Variants in MTMR2 observed in about 807,000 individuals in gnomAD.
The protein encoded by MTMR2 is myotubularin related protein 2, also known as phosphatidylinositol-3,5-bisphosphate 3-phosphatase MTMR2.
MTMR2 carries 55 observed loss-of-function variants against 86.9 expected under a neutral mutation model. That is an observed-to-expected ratio of 0.63 (90% CI 0.51 to 0.79). MTMR2 has a LOEUF of 0.79. MTMR2 is among the 30% of genes least tolerant of loss of function. The probability of loss-of-function intolerance (pLI) is 0.00; values close to 1 mark genes in which losing one functional copy is unlikely to be tolerated. For missense variants in MTMR2, 659 were observed against 772.3 expected (o/e 0.85, Z 1.74); for synonymous variants, 241 against 266.8 (o/e 0.90, Z 0.94).
chr11:95,902,340 C>T (rs1055230264), intron 1 of MTMR2, among the ~76,000 whole-genome samples: 3 of 152,142 alleles, frequency 2.0e-5, no homozygotes, highest in Non-Finnish European at 4.4e-5. Flanking sequence ...ACTGTCTGTC[C>T]TTCCATCTCT....
intron 1 of MTMR2, among the ~76,000 whole-genome samples, chr11:95,915,437 C>T (rs1866662012): frequency 6.6e-6 from 1 of 152,134 alleles, no homozygotes; most frequent in Non-Finnish European, 1.5e-5. Context: ...GACTTATATA[C>T]ATATGCTCTT....
chr11:95,906,948 C>T (rs1431842143), intron 1 of MTMR2, among the ~76,000 whole-genome samples: 1 of 152,110 alleles, frequency 6.6e-6, no homozygotes, highest in Admixed American at 6.5e-5. Flanking sequence ...CCCAACATCA[C>T]ACCCAGGGGA....
chr11:95,878,898 A>G, intron 2 of MTMR2, among the ~76,000 whole-genome samples: 1 of 152,152 alleles, frequency 6.6e-6, no homozygotes, highest in East Asian at 1.9e-4. Context: ...GAATGAGCCC[A>G]GTTTATGTAC....
chr11:95,877,151 A>G (rs572440772), intron 2 of MTMR2, among the ~76,000 whole-genome samples: 67 of 152,210 alleles, frequency 4.4e-4, no homozygotes, highest in African/African-American at 1.6e-3. Flanking sequence ...TCTAAAGAAA[A>G]CTGTTTATAT....
At chr11:95,865,073 T>C (rs940867346) in intron 3 of MTMR2, among the ~76,000 whole-genome samples, 1 of 152,080 alleles carries the variant, frequency 6.6e-6, no homozygotes, top group African/African-American at 2.4e-5. Flanking sequence ...ATTATAAGTA[T>C]TAGGCTGGGC....
chr11:95,882,722 GTTGT>G (rs1218703239), intron 2 of MTMR2, among the ~76,000 whole-genome samples: 4 of 145,562 alleles, frequency 2.7e-5, no homozygotes, highest in African/African-American at 1.0e-4. Context: ...ATTATTTTGT[GTTGT>G]TTTTTTTTTT....
At position 95,894,874 on chromosome 11, in the gene MTMR2, G is replaced by A. The variant is rs989444735; in HGVS notation, c.81-6613C>T. 2.0e-5 allele frequency among the ~76,000 whole-genome samples: 3 copies of A among 152,118 alleles called. No homozygotes were observed. The East Asian group carries it at 5.8e-4, about 29-fold the overall frequency. On this transcript the variant is annotated intron_variant, in intron 1 of 14. Coordinates refer to ENST00000346299, the MANE Select transcript of MTMR2 (RefSeq NM_016156.6). ...TAATAACTTTTCTCTGAGAAAATAT[G>A]AGTAAAAATCGAATGCTCCTTTTGC...
At chr11:95,846,474 C>T (rs1863797199) in intron 10 of MTMR2, among the ~76,000 whole-genome samples, 3 of 152,106 alleles carry the variant, frequency 2.0e-5, no homozygotes, top group Non-Finnish European at 4.4e-5. Flanking sequence ...ATAGGGAATG[C>T]TGGTAGAACT....
intron 1 of MTMR2, chr11:95,907,853 G>A (rs1157957888): frequency 2.3e-6 from 1 of 439,584 alleles, no homozygotes; most frequent in East Asian, 7.2e-5. Context: ...AGGCATTGAA[G>A]GAACATACCT....
chr11:95,870,635 A>T (rs1053287771), intron 2 of MTMR2, among the ~76,000 whole-genome samples: 1 of 152,024 alleles, frequency 6.6e-6, no homozygotes, highest in Non-Finnish European at 1.5e-5. Context: ...GAGAGAAAGC[A>T]GATTCAATGA....
rs1863552342 is a variant in MTMR2 at position 95,841,645 on chromosome 11, A to G, written c.1451T>C (p.Ile484Thr). Reference sequence around the variant, plus strand: ...TCTTGTCATCTGCCAGACACAGTCAATAAATTGAAGAAAAACAGGCGATCT... The same window carrying G: ...TCTTGTCATCTGCCAGACACAGTCAGTAAATTGAAGAAAAACAGGCGATCT... ...ADRSPVFLQF[I>T]DCVWQMTRQF... Residue 484 changes from isoleucine (I) to threonine (T), a missense_variant, in exon 12 of 15, where the codon ATT becomes ACT. Physicochemically the swap from Ile to Thr is moderately conservative, Grantham distance 89. Coordinates refer to ENST00000346299, the MANE Select transcript of MTMR2 (RefSeq NM_016156.6). 2 of 1,613,498 alleles carry G rather than the reference A, an allele frequency of 1.2e-6. No individual in the cohort carries two copies. Among genetic ancestry groups the G allele is most frequent in the Non-Finnish European group, 1.7e-6 (2 of 1,179,554 alleles).
chr11:95,857,610 T>A lies in MTMR2; in HGVS notation c.596A>T (p.Glu199Val). 6.2e-7 allele frequency: 1 copy of A among 1,611,962 alleles called. No homozygotes were observed. The highest frequency in any genetic ancestry group is 8.5e-7 in the Non-Finnish European group (1 of 1,178,370). The change falls in exon 7 of 15, where the codon GAA (glutamate) becomes GTA (valine). Residue 199 changes from glutamate (E) to valine (V), a missense_variant. Physicochemically the swap from Glu to Val is moderately radical, Grantham distance 121 (BLOSUM62 -2). Around this residue, in one of 3 missense-constraint regions of MTMR2, gnomAD observed 387 missense variants for 526.3 expected, o/e 0.74. Coordinates refer to ENST00000346299, the MANE Select transcript of MTMR2 (RefSeq NM_016156.6). ...CTTCCACCCATTTTCAGGGAATACT[T>A]CTTTGTATTCAAAAGCAAAAAGAGG... is the stretch of plus-strand genomic sequence containing the variant. Reference protein sequence around the residue: ...NLPLFAFEYKEVFPENGWKLY... With the variant: ...NLPLFAFEYKVVFPENGWKLY...
At chr11:95,862,203 T>C (rs1335016546) in intron 4 of MTMR2, 69 bp downstream of exon 4, 21 of 1,543,884 alleles carry the variant, frequency 1.4e-5, no homozygotes, top group Non-Finnish European at 1.8e-5. Context: ...TTAGAAATGA[T>C]CAGAAATGAA....
At chr11:95,911,220 G>A (rs955238317) in intron 1 of MTMR2, among the ~76,000 whole-genome samples, 1 of 151,992 alleles carries the variant, frequency 6.6e-6, no homozygotes, top group African/African-American at 2.4e-5. Context: ...AAATCCCAAG[G>A]TTCTAAGGTA....
At position 95,839,892 on chromosome 11, in the gene MTMR2, T is replaced by A. The variant is rs1863465591; in HGVS notation, c.1480-1685A>T. On this transcript the variant is annotated intron_variant, in intron 12 of 14. Transcript: ENST00000346299. ...AAAGATGGCTACAAAGTATTTTAGG[T>A]TCTATCAAAAATACAGATTTAAACT... 1.3e-5 allele frequency: 2 copies of A among 152,166 alleles called. 1 individual carries two copies. The highest frequency in any genetic ancestry group is 4.1e-4 in the South Asian group (2 of 4,828). 9.4% of individuals were successfully genotyped at this position (152,166 alleles called of 1,614,324 possible). A position where few individuals can be genotyped will look rare whatever the true frequency, so the allele number is the denominator to read the frequency against.
At position 95,921,676 on chromosome 11, in the gene MTMR2, G is replaced by A. The variant is rs961748705; in HGVS notation, c.80+2199C>T. Among the ~76,000 whole-genome samples the A allele has an allele frequency of 5.9e-5, 9 of 152,278 alleles. No individual in the cohort carries two copies. In the East Asian group the frequency reaches 1.7e-3, roughly 29 times the overall value. On this transcript the variant is annotated intron_variant, in intron 1 of 14. Coordinates refer to ENST00000346299, the MANE Select transcript of MTMR2 (RefSeq NM_016156.6). ...AATAAAAGATACATAGAATTTAGCA[G>A]GGAAACTTCCATACAGTAGACATTA...
At chr11:95,874,867 C>A (rs1003736943) in intron 2 of MTMR2, among the ~76,000 whole-genome samples, 4 of 152,056 alleles carry the variant, frequency 2.6e-5, no homozygotes, top group Non-Finnish European at 5.9e-5. Context: ...CTTAGTTTGG[C>A]TGGATATGAA....
chr11:95,857,437 T>C, intron 7 of MTMR2, 115 bp downstream of exon 7: 1 of 726,750 alleles, frequency 1.4e-6, no homozygotes, highest in South Asian at 1.6e-5. Context: ...AATCTCTTAA[T>C]GTGGTGAATT....
intron 1 of MTMR2, among the ~76,000 whole-genome samples, chr11:95,901,585 CAG>C (rs145407019): frequency 6.6e-5 from 10 of 150,706 alleles, no homozygotes; most frequent in Admixed American, 2.0e-4. Flanking sequence ...GTGGCACAGC[CAG>C]AGAGAGAGAG....
Sources: allele counts gnomAD v4.1 joint callset (sites outside exome capture counted in the v4.1 genomes callset), GRCh38; gene constraint gnomAD v4.1.1; regional missense constraint gnomAD v4.1.1; transcripts MANE v1.5; gene names NCBI Gene and HGNC (gene_info 2026-07-23, HGNC 2026-07-21).